RALGAPA2: variants seen among roughly 807,000 people sequenced by gnomAD.
RALGAPA2 encodes Ral GTPase activating protein catalytic subunit alpha 2.
A neutral mutation model predicts 230.4 loss-of-function variants in RALGAPA2; 139 were observed. The ratio of observed to expected loss-of-function variants is 0.60; its 90% CI spans 0.53 to 0.69. RALGAPA2 has a LOEUF of 0.69. Ranked by LOEUF, RALGAPA2 falls within the 30% of genes least tolerant of loss-of-function variation. The pLI is 0.00. For missense variants in RALGAPA2, 2,163 were observed against 2,276.0 expected (o/e 0.95, Z 1.01); for synonymous variants, 847 against 837.8 (o/e 1.01, Z -0.19).
At chr20:20,491,925 A>T (rs1435312427) in intron 36 of RALGAPA2, among the ~76,000 whole-genome samples, 1 of 152,184 alleles carries the variant, frequency 6.6e-6, no homozygotes, top group African/African-American at 2.4e-5. Flanking sequence ...TCACACAAGC[A>T]CACCCACACT....
intron 37 of RALGAPA2, among the ~76,000 whole-genome samples, chr20:20,432,008 G>A (rs6046858): frequency 1.3e-5 from 2 of 152,084 alleles, no homozygotes; most frequent in South Asian, 2.1e-4. Context: ...TTATACATCA[G>A]TTAACTTGTA....
intron 35 of RALGAPA2, among the ~76,000 whole-genome samples, chr20:20,502,668 T>C (rs1270548799): frequency 6.6e-6 from 1 of 152,102 alleles, no homozygotes; most frequent in Non-Finnish European, 1.5e-5. Context: ...TGCATTTATG[T>C]GGTAGGGAGA....
intron 4 of RALGAPA2, among the ~76,000 whole-genome samples, chr20:20,644,274 G>C (rs2067137103): frequency 6.6e-6 from 1 of 152,122 alleles, no homozygotes; most frequent in Non-Finnish European, 1.5e-5. Context: ...TGAGGCAAGA[G>C]AACTTTCCTC....
At position 20,526,356 on chromosome 20, in the gene RALGAPA2, T is replaced by A; in HGVS notation, c.3589A>T (p.Asn1197Tyr). The A allele has an allele frequency of 6.3e-7, 1 of 1,588,816 alleles. No homozygotes were observed. The highest frequency in any genetic ancestry group is 8.6e-7 in the Non-Finnish European group (1 of 1,169,318). Residue 1197 changes from asparagine (N) to tyrosine (Y), a missense_variant, in exon 28 of 40, where the codon AAC becomes TAC. Physicochemically the swap from Asn to Tyr is moderately radical, Grantham distance 143 (BLOSUM62 -2). Transcript: ENST00000202677. ...NVIGVTLKFP[N>Y]KIVAQVACDV... ...CAAGCTACCTGGGCCACGATTTTGT[T>A]GGGAAACTATAAAAGGAAACCGAAT... is the stretch of plus-strand genomic sequence containing the variant.
chr20:20,513,242 C>G lies in RALGAPA2; in HGVS notation c.4127G>C (p.Arg1376Pro). ...GTTCACCAGGTGGGCCATCACCATT[C>G]GAGCAGTCAAAGGGATCAACTCCAA... ...RSLELIPLTA[R>P]MVMAHLVNHL... is the part of the protein sequence containing the mutation. The change falls in exon 32 of 40, where the codon CGA becomes CCA. Residue 1376 changes from arginine (R) to proline (P), a missense_variant. Transcript: ENST00000202677. The G allele has an allele frequency of 6.6e-7, 1 of 1,504,636 alleles. No individual in the cohort carries two copies. The highest frequency in any genetic ancestry group is 8.9e-7 in the Non-Finnish European group (1 of 1,128,500). The allele number at this position is 1,504,636 out of a possible 1,614,324, so 93.2% of individuals were successfully genotyped here.
chr20:20,419,349 A>T (rs770864688), intron 37 of RALGAPA2, among the ~76,000 whole-genome samples: 5 of 152,234 alleles, frequency 3.3e-5, no homozygotes, highest in Non-Finnish European at 5.9e-5. Flanking sequence ...ACCCATCAGA[A>T]GGACAGAATG....
chr20:20,582,301 C>T (rs1197850334), intron 20 of RALGAPA2, among the ~76,000 whole-genome samples: 3 of 151,902 alleles, frequency 2.0e-5, no homozygotes, highest in East Asian at 1.9e-4. Context: ...TCATAAAGTA[C>T]GGGCTATTAT....
intron 14 of RALGAPA2, among the ~76,000 whole-genome samples, chr20:20,609,688 C>A (rs2065920532): frequency 3.9e-5 from 6 of 152,234 alleles, no homozygotes. Flanking sequence ...CTGGCTTCAG[C>A]TCATGTCCAC....
chr20:20,620,422 T>C (rs1277203276), intron 11 of RALGAPA2, 41 bp downstream of exon 11: 1 of 1,590,808 alleles, frequency 6.3e-7, no homozygotes, highest in Non-Finnish European at 8.6e-7. Flanking sequence ...TTTACTAAAA[T>C]ATATTTACCC....
chr20:20,643,468 G>C (rs747571122), intron 5 of RALGAPA2, 38 bp downstream of exon 5: 40 of 1,443,044 alleles, frequency 2.8e-5, no homozygotes, highest in Non-Finnish European at 3.3e-5. Flanking sequence ...ACAAATTTAA[G>C]AGTAATAAAA....
intron 1 of RALGAPA2, among the ~76,000 whole-genome samples, chr20:20,698,356 C>CA (rs898551703): frequency 3.3e-5 from 5 of 151,726 alleles, no homozygotes; most frequent in African/African-American, 1.2e-4. Context: ...CTGCATCCTC[C>CA]ACCTCCTGGG....
intron 37 of RALGAPA2, among the ~76,000 whole-genome samples, chr20:20,463,194 T>G (rs550454631): frequency 3.9e-5 from 6 of 152,282 alleles, no homozygotes; most frequent in African/African-American, 1.4e-4. Flanking sequence ...ATTCAGTTTT[T>G]TTTTTTTCTG....
Position 20,392,392 on chromosome 20 carries a change from G to A in RALGAPA2, c.*897C>T, listed in dbSNP as rs1240301569. ...CAGCGTGAGGCTTTTGGAGGCACAAGGCCATTCGGGGGGTACCCGTCTCAG... is the reference window on the plus strand; with the variant it reads ...CAGCGTGAGGCTTTTGGAGGCACAAAGCCATTCGGGGGGTACCCGTCTCAG... On this transcript the variant is annotated 3_prime_UTR_variant, in exon 40 of 40. Coordinates refer to ENST00000202677, the MANE Select transcript of RALGAPA2 (RefSeq NM_020343.4). 1 of 152,270 alleles carries A rather than the reference G, an allele frequency of 6.6e-6. No homozygotes were observed. Among genetic ancestry groups the A allele is most frequent in the East Asian group, 1.9e-4 (1 of 5,196 alleles). The allele number at this position is 152,270 out of a possible 1,614,324, so 9.4% of individuals were successfully genotyped here.
rs1304980824 is a variant in RALGAPA2, at chr20:20,601,856, G to C, written c.2039-10C>G. 1.3e-6 allele frequency: 2 copies of C among 1,570,194 alleles called. No homozygotes were observed. Among genetic ancestry groups the C allele is most frequent in the East Asian group, 2.3e-5 (1 of 44,126 alleles). On this transcript the variant is annotated splice_polypyrimidine_tract_variant and intron_variant, in intron 15 of 39. Transcript: ENST00000202677. ...GGATCTAGAACACAGCCTGATAAAG[G>C]AAAAGAAAAATAATCTAAAGGCTGA...
chr20:20,504,458 T>A (rs1046350750), intron 34 of RALGAPA2, among the ~76,000 whole-genome samples: 1 of 152,082 alleles, frequency 6.6e-6, no homozygotes, highest in African/African-American at 2.4e-5. Context: ...AATAAGGAAA[T>A]TGGCCGGGCA....
chr20:20,624,778 T>C (rs989024788), intron 10 of RALGAPA2, among the ~76,000 whole-genome samples: 2 of 152,240 alleles, frequency 1.3e-5, no homozygotes, highest in Non-Finnish European at 2.9e-5. Context: ...ATACTTCTTA[T>C]GGTAAAGAAA....
At chr20:20,625,960 C>G (rs2066478234) in intron 10 of RALGAPA2, among the ~76,000 whole-genome samples, 1 of 152,268 alleles carries the variant, frequency 6.6e-6, no homozygotes, top group East Asian at 1.9e-4. Flanking sequence ...CAAGGTGACC[C>G]ACACCAGGTG....
intron 18 of RALGAPA2, 85 bp downstream of exon 18, chr20:20,589,183 T>A: frequency 1.4e-6 from 2 of 1,415,138 alleles, no homozygotes; most frequent in East Asian, 2.7e-5. Flanking sequence ...ATTTTAATTA[T>A]CACTGCCACC....
chr20:20,476,099 G>T (rs2061644886), intron 36 of RALGAPA2, among the ~76,000 whole-genome samples: 1 of 152,104 alleles, frequency 6.6e-6, no homozygotes, highest in Admixed American at 6.5e-5. Flanking sequence ...ATGGAAAGAT[G>T]TACAATGTTC....
Sources: allele counts gnomAD v4.1 joint callset (sites outside exome capture counted in the v4.1 genomes callset), GRCh38; gene constraint gnomAD v4.1.1; transcripts MANE v1.5; gene names NCBI Gene and HGNC (gene_info 2026-07-23, HGNC 2026-07-21).